Variants in RNF20 observed in about 807,000 individuals in gnomAD.
The protein encoded by RNF20 is E3 ubiquitin-protein ligase BRE1A.
In RNF20, 84 loss-of-function variants were observed where a neutral mutation model predicts 126.2. The ratio of observed to expected loss-of-function variants is 0.67; its 90% CI spans 0.56 to 0.80. The LOEUF (loss-of-function observed/expected upper bound fraction) is 0.80. RNF20 is among the 30% of genes least tolerant of loss of function. The pLI, the probability that RNF20 is intolerant of heterozygous loss-of-function variation, is 0.00. For missense variants in RNF20, 869 were observed against 1,188.2 expected (o/e 0.73, Z 3.95); for synonymous variants, 400 against 414.3 (o/e 0.97, Z 0.42).
intron 10 of RNF20, 86 bp from the exon 11 acceptor site, chr9:101,551,595 CTGG>C: frequency 6.5e-6 from 4 of 617,578 alleles, no homozygotes; most frequent in Non-Finnish European, 6.7e-6. Context: ...ATAGATTGAA[CTGG>C]AAATTTTCAG....
intron 11 of RNF20, 34 bp from the exon 12 acceptor site, chr9:101,552,107 G>A (rs778670757): frequency 5.6e-6 from 9 of 1,613,578 alleles, no homozygotes; most frequent in African/African-American, 2.7e-5. Context: ...CCCTTACCAC[G>A]GTTCCTCATA....
intron 10 of RNF20, 120 bp downstream of exon 10, chr9:101,550,905 A>G: frequency 1.1e-6 from 1 of 915,318 alleles, no homozygotes; most frequent in Middle Eastern, 2.2e-4. Flanking sequence ...GAGTGGCAGT[A>G]GGTCTTTACT....
intron 13 of RNF20, among the ~76,000 whole-genome samples, chr9:101,553,241 A>G (rs1473880288): frequency 6.6e-6 from 1 of 152,164 alleles, no homozygotes; most frequent in Non-Finnish European, 1.5e-5. Flanking sequence ...ACACACTAAG[A>G]TAGACCTTTA....
At chr9:101,546,998 A>G in intron 7 of RNF20, 32 bp downstream of exon 7, 1 of 1,613,146 alleles carries the variant, frequency 6.2e-7, no homozygotes, top group East Asian at 2.2e-5. Flanking sequence ...GGAGACTAGA[A>G]TCATTTTAAG....
intron 15 of RNF20, 23 bp from the exon 16 acceptor site, chr9:101,557,361 A>C: frequency 6.4e-7 from 1 of 1,574,594 alleles, no homozygotes; most frequent in Non-Finnish European, 8.7e-7. Flanking sequence ...TTCTAAAATC[A>C]AATCTCTTCC....
In RNF20 at chr9:101,557,117, G is replaced by A. The variant is rs142267691; in HGVS notation, c.2170-267G>A. 7.9e-4 allele frequency among the ~76,000 whole-genome samples: 120 copies of A among 152,296 alleles called. 1 individual carries two copies. In the East Asian group the frequency reaches 0.013, roughly 16 times the overall value. On this transcript the variant is annotated intron_variant, in intron 15 of 19. Coordinates refer to ENST00000389120, the MANE Select transcript of RNF20 (RefSeq NM_019592.7). ...CTCTTAACCAATTGCTGCTTGATCC[G>A]TTTGTCTAGATTAAGGTAAATACAA... is the stretch of plus-strand genomic sequence containing the variant.
intron 2 of RNF20, among the ~76,000 whole-genome samples, chr9:101,536,840 C>CTCTT (rs760873323): frequency 6.6e-6 from 1 of 152,178 alleles, no homozygotes; most frequent in Non-Finnish European, 1.5e-5. Flanking sequence ...GACTAACATG[C>CTCTT]TCTGACTTGT....
At chr9:101,544,379 G>T (rs772795138) in intron 5 of RNF20, among the ~76,000 whole-genome samples, 6 of 152,192 alleles carry the variant, frequency 3.9e-5, no homozygotes, top group Non-Finnish European at 5.9e-5. Context: ...AGCGTGAGCT[G>T]CTATACCTGG....
At chr9:101,547,673 TA>T (rs1465870693) in intron 9 of RNF20, among the ~76,000 whole-genome samples, 155 bp downstream of exon 9, 3 of 152,098 alleles carry the variant, frequency 2.0e-5, no homozygotes, top group Admixed American at 2.0e-4. Context: ...AAATTAGGTG[TA>T]AAGAAGTGTA....
chr9:101,536,686 C>T (rs1183834923), intron 2 of RNF20, among the ~76,000 whole-genome samples: 1 of 152,172 alleles, frequency 6.6e-6, no homozygotes, highest in Non-Finnish European at 1.5e-5. Context: ...TGTAGGGTAG[C>T]ACTGACAAGG....
intron 17 of RNF20, 26 bp from the exon 18 acceptor site, chr9:101,561,064 G>T: frequency 6.2e-7 from 1 of 1,611,002 alleles, no homozygotes; most frequent in Non-Finnish European, 8.5e-7. Flanking sequence ...ATACAATGGT[G>T]TCACTTATTT....
chr9:101,535,665 G>A, intron 2 of RNF20, 113 bp downstream of exon 2: 1 of 1,177,422 alleles, frequency 8.5e-7, no homozygotes, highest in East Asian at 2.5e-5. Context: ...AAAGAAGAGG[G>A]AAATAAAACA....
rs186990459 is a variant in RNF20, at chr9:101,536,430, C to G, written c.129+878C>G. The stretch of plus-strand genomic sequence containing the variant: ...GAGGCTGAGGTTTATTTTAGAGAGG[C>G]TGATTTTTTTTTTTGAGTCAGAATA... On this transcript the variant is annotated intron_variant, in intron 2 of 19. Transcript: ENST00000389120. 2.0e-4 allele frequency among the ~76,000 whole-genome samples: 30 copies of G among 151,954 alleles called. No individual in the cohort carries two copies. In the East Asian group the frequency reaches 5.8e-3, roughly 29 times the overall value.
At chr9:101,560,505 T>C (rs1827608397) in intron 16 of RNF20, among the ~76,000 whole-genome samples, 1 of 152,216 alleles carries the variant, frequency 6.6e-6, no homozygotes, top group Non-Finnish European at 1.5e-5. Context: ...TTATATGTTA[T>C]AGTATGAATT....
chr9:101,541,161 C>G (rs866522307), intron 5 of RNF20, among the ~76,000 whole-genome samples, 186 bp downstream of exon 5: 1 of 152,134 alleles, frequency 6.6e-6, no homozygotes, highest in African/African-American at 2.4e-5. Context: ...CCATTGAATC[C>G]TCGAACTCAA....
chr9:101,549,815 C>T (rs1827413556), intron 9 of RNF20, among the ~76,000 whole-genome samples: 1 of 152,070 alleles, frequency 6.6e-6, no homozygotes, highest in African/African-American at 2.4e-5. Flanking sequence ...CCTGGTTTTT[C>T]CTAGGTTATG....
rs1414837912 is a variant in RNF20 at position 101,547,419 on chromosome 9, G to A, written c.993G>A (p.Glu331=). 1.2e-6 allele frequency: 2 copies of A among 1,614,184 alleles called. No individual in the cohort carries two copies. Among genetic ancestry groups the A allele is most frequent in the African/African-American group, 1.3e-5 (1 of 75,050 alleles). The change falls in exon 9 of 20, where the codon GAG becomes GAA. Residue 331 remains glutamate (E), a synonymous_variant. Coordinates refer to ENST00000389120, the MANE Select transcript of RNF20 (RefSeq NM_019592.7). Reference sequence around the variant, plus strand: ...TGCAGTTTGAGGAAATGAATGCAGAGCTTGAGGAGAACAAAGAGTTGGCTC... The same window carrying A: ...TGCAGTTTGAGGAAATGAATGCAGAACTTGAGGAGAACAAAGAGTTGGCTC... ...NARKFEEMNA[E]LEENKELAQN... is the part of the protein sequence containing the mutation.
At chr9:101,534,974 C>T (rs571438311) in intron 1 of RNF20, among the ~76,000 whole-genome samples, 2 of 148,424 alleles carry the variant, frequency 1.3e-5, no homozygotes, top group Non-Finnish European at 3.0e-5. Context: ...GTGGTGCGAT[C>T]TCGGCTCACT....
At chr9:101,552,060 C>G in intron 11 of RNF20, 81 bp from the exon 12 acceptor site, 1 of 1,562,878 alleles carries the variant, frequency 6.4e-7, no homozygotes, top group Admixed American at 1.7e-5. Flanking sequence ...CTCAGTGCCT[C>G]CTGATGTGTT....
Sources: allele counts gnomAD v4.1 joint callset (sites outside exome capture counted in the v4.1 genomes callset), GRCh38; gene constraint gnomAD v4.1.1; transcripts MANE v1.5; gene names NCBI Gene and HGNC (gene_info 2026-07-23, HGNC 2026-07-21).